Variants in RABGGTA observed in about 807,000 individuals in gnomAD.
The protein encoded by RABGGTA is geranylgeranyl transferase type-2 subunit alpha.
A neutral mutation model predicts 83.3 loss-of-function variants in RABGGTA; 69 were observed. That is an observed-to-expected ratio of 0.83 (90% CI 0.68 to 1.01). RABGGTA has a LOEUF of 1.01. Ranked by LOEUF, RABGGTA falls within the 50% of genes least tolerant of loss-of-function variation. RABGGTA has a pLI of 0.00. For missense variants in RABGGTA, 681 were observed against 712.7 expected, an observed-to-expected ratio of 0.96 and a Z score of 0.51; for synonymous variants, 310 against 299.8, an observed-to-expected ratio of 1.03 and a Z score of -0.35.
chr14:24,266,682 T>A (rs1477232398), intron 15 of RABGGTA, 94 bp downstream of exon 15: 2 of 1,287,400 alleles, frequency 1.6e-6, no homozygotes, highest in African/African-American at 3.0e-5. Flanking sequence ...GGGTGGAGGG[T>A]CCTGCACATC....
intron 16 of RABGGTA, 119 bp from the exon 17 acceptor site, chr14:24,265,882 C>G (rs150860476): frequency 0.012 from 17,249 of 1,416,776 alleles, 149 homozygotes; most frequent in Non-Finnish European, 0.014. Context: ...CTCATATGCT[C>G]CCTGGAGGGA....
At chr14:24,270,489 A>G (rs1384301050) in intron 3 of RABGGTA, 31 bp from the exon 4 acceptor site, 1 of 1,612,546 alleles carries the variant, frequency 6.2e-7, no homozygotes, top group South Asian at 1.1e-5. Context: ...GTTAGAGATC[A>G]TATAATTTTC....
rs764017079 is a variant in RABGGTA, at chr14:24,267,983, G to A, written c.1148-25C>T. ...CCTGAGGAGAGGGCAGGGAAAAGGA[G>A]GGTTTCTCTTGGAACCTCCTCTGCT... On this transcript the variant is annotated intron_variant, in intron 12 of 16. Transcript: ENST00000216840. The A allele has an allele frequency of 3.7e-6, 6 of 1,611,072 alleles. No individual in the cohort carries two copies. In the African/African-American group the frequency reaches 8.0e-5, roughly 22 times the overall value.
chr14:24,270,993 G>A (rs763602004), intron 2 of RABGGTA, 46 bp from the exon 3 acceptor site: 26 of 1,605,806 alleles, frequency 1.6e-5, no homozygotes, highest in Non-Finnish European at 2.1e-5. Flanking sequence ...CCTTGCAGAA[G>A]CTGACCTGCA....
At position 24,267,641 on chromosome 14, in the gene RABGGTA, C is replaced by T; in HGVS notation, c.1353+19G>A. 6.3e-7 allele frequency: 1 copy of T among 1,593,844 alleles called. No homozygotes were observed. On this transcript the variant is annotated intron_variant, in intron 14 of 16. Transcript: ENST00000216840. The stretch of plus-strand genomic sequence containing the variant: ...CAGCGGGATGAGGGCCAGGGGAAGG[C>T]ATGCATGGCAGCCCATACCTTGTGA...
Position 24,269,068 on chromosome 14 carries a change from C to T in RABGGTA, c.715+12G>A. 6.2e-7 allele frequency: 1 copy of T among 1,601,982 alleles called. No homozygotes were observed. The highest frequency in any genetic ancestry group is 8.5e-7 in the Non-Finnish European group (1 of 1,173,988). ...AAGCGCTAAACACCCAGCCCCTTTC[C>T]TCATTGCTCACCTCGGCCTAGGAGC... On this transcript the variant is annotated intron_variant, in intron 7 of 16. Transcript: ENST00000216840.
intron 1 of RABGGTA, 31 bp from the exon 2 acceptor site, chr14:24,271,200 C>T: frequency 6.9e-7 from 1 of 1,441,940 alleles, no homozygotes; most frequent in South Asian, 1.5e-5. Flanking sequence ...CACGTAGCCC[C>T]GCCCCTACTA....
intron 14 of RABGGTA, 61 bp downstream of exon 14, chr14:24,267,599 C>A: frequency 7.2e-7 from 1 of 1,390,676 alleles, no homozygotes; most frequent in Admixed American, 2.0e-5. Context: ...GGGGCAAAGT[C>A]AGGGACGTGG....
chr14:24,271,530 G>A lies in RABGGTA; in HGVS notation c.-98C>T. 6.0e-6 allele frequency: 1 copy of A among 167,914 alleles called. No homozygotes were observed. The highest frequency in any genetic ancestry group is 1.3e-5 in the Non-Finnish European group (1 of 78,746). The allele number at this position is 167,914 out of a possible 1,614,324, so 10.4% of individuals were successfully genotyped here. On this transcript the variant is annotated 5_prime_UTR_variant, in exon 1 of 17. Transcript: ENST00000216840. ...CGGGGGACGCGGAGCTGCGGCGCCC[G>A]CCACAGAGCCCAGGCGCTGGCTAGA...
Position 24,265,742 on chromosome 14 carries a change from A to G in RABGGTA, c.1577T>C (p.Leu526Pro). The part of the protein sequence containing the change: ...CNNRLQQPAV[L>P]QPLASCPRLV... ...CCTGGGGCAGGAGGCAAGAGGCTGG[A>G]GCACTGCAGGCTGCTGGAGGCCTTG... The change falls in exon 17 of 17, where the codon CTC becomes CCC. Residue 526 changes from leucine to proline, a missense_variant. Coordinates refer to ENST00000216840, the MANE Select transcript of RABGGTA (RefSeq NM_182836.3). 1 of 1,610,776 alleles carries G rather than the reference A, an allele frequency of 6.2e-7. No individual in the cohort carries two copies. Among genetic ancestry groups the G allele is most frequent in the Non-Finnish European group, 8.5e-7 (1 of 1,178,686 alleles).
intron 3 of RABGGTA, 151 bp downstream of exon 3, chr14:24,270,686 A>T (rs985179354): frequency 7.3e-5 from 91 of 1,246,798 alleles, no homozygotes; most frequent in Non-Finnish European, 9.8e-5. Context: ...CTGAGGCCCA[A>T]AGAGATTCAG....
Position 24,270,095 on chromosome 14 carries a change from G to T in RABGGTA, c.285C>A (p.Phe95Leu). Reference protein sequence around the residue: ...LAALVKAELGFLESCLRVNPK... With the variant: ...LAALVKAELGLLESCLRVNPK... ...GGTTCACCCGCAGGCAGCTCTCCAG[G>T]AAGCCCAGTTCTGCCTTCACCAGAG... Residue 95 changes from phenylalanine to leucine, a missense_variant, in exon 5 of 17, where the codon TTC becomes TTA. Physicochemically the swap from Phe to Leu is conservative, Grantham distance 22. Transcript: ENST00000216840. 1 of 1,610,674 alleles carries T rather than the reference G, an allele frequency of 6.2e-7. No individual in the cohort carries two copies. Among genetic ancestry groups the T allele is most frequent in the Non-Finnish European group, 8.5e-7 (1 of 1,178,428 alleles).
chr14:24,269,413 G>A, intron 6 of RABGGTA, 78 bp downstream of exon 6: 2 of 1,477,082 alleles, frequency 1.4e-6, no homozygotes, highest in East Asian at 2.3e-5. Flanking sequence ...TGAGTGACAG[G>A]TTCAGGAACA....
Position 24,270,843 on chromosome 14 carries a change from G to C in RABGGTA, c.108C>G (p.Phe36Leu), listed in dbSNP as rs2040939143. 6 of 1,613,600 alleles carry C rather than the reference G, an allele frequency of 3.7e-6. No homozygotes were observed. The highest frequency in any genetic ancestry group is 5.1e-6 in the Non-Finnish European group (6 of 1,179,786). Reference protein sequence around the residue: ...KLYQSATQAVFQKRQAGELDE... With the variant: ...KLYQSATQAVLQKRQAGELDE... ...CTACCTCTGAGGGCCCCACCTTCTG[G>C]AATACGGCCTGGGTGGCTGACTGGT... Residue 36 changes from phenylalanine to leucine, a missense_variant, in exon 3 of 17, where the codon TTC becomes TTG. Around this residue, in one of 5 missense-constraint regions of RABGGTA, gnomAD observed 115 missense variants for 111.5 expected, o/e 1.03. Coordinates refer to ENST00000216840, the MANE Select transcript of RABGGTA (RefSeq NM_182836.3).
rs1395928662 is a variant in RABGGTA, at chr14:24,267,966, G to C, written c.1148-8C>G. ...TGATGGTAAGCAGGCACCCTGAGGAGAGGGCAGGGAAAAGGAGGGTTTCTC... is the reference window on the plus strand; with the variant it reads ...TGATGGTAAGCAGGCACCCTGAGGACAGGGCAGGGAAAAGGAGGGTTTCTC... On this transcript the variant is annotated splice_polypyrimidine_tract_variant and splice_region_variant and intron_variant, in intron 12 of 16. Transcript: ENST00000216840. 1.2e-6 allele frequency: 2 copies of C among 1,613,026 alleles called. No individual in the cohort carries two copies. The highest frequency in any genetic ancestry group is 2.2e-5 in the East Asian group (1 of 44,890).
In RABGGTA at chr14:24,269,699, A is replaced by C; in HGVS notation, c.428-5T>G. 1 of 1,613,518 alleles carries C rather than the reference A, an allele frequency of 6.2e-7. No homozygotes were observed. Among genetic ancestry groups the C allele is most frequent in the Non-Finnish European group, 8.5e-7 (1 of 1,179,534 alleles). ...GCCGATAGTCCCAGCAGTGAACTGG[A>C]GGGGAGAGGTGACAGCATATCTTAG... On this transcript the variant is annotated splice_region_variant and splice_polypyrimidine_tract_variant and intron_variant, in intron 5 of 16. Transcript: ENST00000216840.
At position 24,267,701 on chromosome 14, in the gene RABGGTA, T is replaced by C. The variant is rs201017775; in HGVS notation, c.1312A>G (p.Met438Val). ...AGCACACGCACCTCGGCATACTCCA[T>C]CTTGAGCACGCTATTCTCCAGCAAG... ...KFLLENSVLK[M>V]EYAEVRVLHL... The change falls in exon 14 of 17, where the codon ATG (methionine) becomes GTG (valine). Residue 438 changes from methionine to valine, a missense_variant. Coordinates refer to ENST00000216840, the MANE Select transcript of RABGGTA (RefSeq NM_182836.3). 6.2e-7 allele frequency: 1 copy of C among 1,611,928 alleles called. No individual in the cohort carries two copies.
intron 6 of RABGGTA, 50 bp from the exon 7 acceptor site, chr14:24,269,213 C>A (rs1197949596): frequency 6.6e-7 from 1 of 1,512,096 alleles, no homozygotes; most frequent in South Asian, 1.2e-5. Flanking sequence ...CTGGTGAGCT[C>A]CTGGCCACTC....
chr14:24,266,461 G>GGGTAGGTT lies in RABGGTA; in HGVS notation c.1516_1523dup (p.Arg509ThrfsTer?). ...TGCACAGTAGCAGCTCCTGCAGCCG[G>GGGTAGGTT]GGTAGGTTGGTGACGCCGTCCAGGG... On this transcript the variant is annotated frameshift_variant, in exon 16 of 17. Coordinates refer to ENST00000216840, the MANE Select transcript of RABGGTA (RefSeq NM_182836.3). LOFTEE classifies it high-confidence loss of function. 1 of 1,614,002 alleles carries GGGTAGGTT rather than the reference G, an allele frequency of 6.2e-7. No homozygotes were observed. The highest frequency in any genetic ancestry group is 8.5e-7 in the Non-Finnish European group (1 of 1,179,884).
Sources: gnomAD v4.1 joint callset for allele counts on GRCh38, gnomAD v4.1.1 for gene constraint, gnomAD v4.1.1 regional missense constraint, MANE v1.5 for transcripts, NCBI Gene and HGNC (gene_info 2026-07-23, HGNC 2026-07-21) for gene names.